The following WDR36 variants were observed in gnomAD, a reference collection of about 807,000 sequenced individuals.
The protein encoded by WDR36 is WD repeat domain 36, also known as WD repeat-containing protein 36.
A neutral mutation model predicts 112.7 loss-of-function variants in WDR36; 63 were observed. The observed-to-expected ratio is 0.56, with a 90% CI of 0.46 to 0.69. The LOEUF is 0.69. Ranked by LOEUF, WDR36 falls within the 30% of genes least tolerant of loss-of-function variation. The probability of loss-of-function intolerance (pLI) is 0.00; values close to 1 mark genes in which losing one functional copy is unlikely to be tolerated. For missense variants in WDR36, 1,226 were observed against 1,070.3 expected, an observed-to-expected ratio of 1.15 and a Z score of -2.03; for synonymous variants, 410 against 362.2, an observed-to-expected ratio of 1.13 and a Z score of -1.50.
rs750239705 is a variant in WDR36, at chr5:111,107,347, C to G, written c.1234C>G (p.Leu412Val). The G allele has an allele frequency of 3.7e-6, 6 of 1,610,562 alleles. No homozygotes were observed. The highest frequency in any genetic ancestry group is 5.1e-6 in the Non-Finnish European group (6 of 1,177,746). ...DGIIACHQGK[L>V]SCSTWNYQKS... ...TATCATTGCTTGCCATCAAGGTAAG[C>G]TATCTTGCTCAACCTGGAATTATCA... Residue 412 changes from leucine (L) to valine (V), a missense_variant, in exon 12 of 23, where the codon CTA (leucine) becomes GTA (valine). Transcript: ENST00000513710.
rs771309828 is a variant in WDR36, at chr5:111,105,364, G to A, written c.1093+4G>A. On this transcript the variant is annotated splice_donor_region_variant and intron_variant, in intron 10 of 22. Transcript: ENST00000513710. ...TTCAATAAGAGCTTGGGACATGGTA[G>A]GTCCTCTACAAGACAAAATAAGCTG... 5 of 1,608,574 alleles carry A rather than the reference G, an allele frequency of 3.1e-6. No individual in the cohort carries two copies. The highest frequency in any genetic ancestry group is 4.3e-6 in the Non-Finnish European group (5 of 1,176,204).
At chr5:111,096,293 C>T (rs954959301) in intron 2 of WDR36, among the ~76,000 whole-genome samples, 2 of 152,136 alleles carry the variant, frequency 1.3e-5, no homozygotes, top group Non-Finnish European at 2.9e-5. Context: ...TAGGAATAGG[C>T]ATATAGAATA....
In WDR36 at chr5:111,098,854, A is replaced by G. The variant is rs200841659; in HGVS notation, c.409+15A>G. 1 of 1,493,498 alleles carries G rather than the reference A, an allele frequency of 6.7e-7. No homozygotes were observed. The highest frequency in any genetic ancestry group is 1.7e-5 in the Admixed American group (1 of 59,784). 92.5% of individuals were successfully genotyped at this position (1,493,498 alleles called of 1,614,324 possible). A position where few individuals can be genotyped will look rare whatever the true frequency, so the allele number is the denominator to read the frequency against. On this transcript the variant is annotated intron_variant, in intron 4 of 22. Transcript: ENST00000513710. ...ATATTCAGAAGGTAAGAGTTAACTC[A>G]TTTATTTGCTTTATCTTAGGGTAGT...
At position 111,126,746 on chromosome 5, in the gene WDR36, A is replaced by G; in HGVS notation, c.2551A>G (p.Met851Val). 3 of 1,613,776 alleles carry G rather than the reference A, an allele frequency of 1.9e-6. No individual in the cohort carries two copies. The highest frequency in any genetic ancestry group is 2.5e-6 in the Non-Finnish European group (3 of 1,179,808). ...LALFLKLHLKMLPSEPVLLEE... is the reference protein window; with the variant it reads ...LALFLKLHLKVLPSEPVLLEE... ...TTTTTCTTTGCAGTTACACCTTAAA[A>G]TGCTTCCTTCAGAGCCAGTACTCCT... Residue 851 changes from methionine (M) to valine (V), a missense_variant, in exon 23 of 23, where the codon ATG becomes GTG. Met to Val is a conservative substitution (Grantham distance 21). Transcript: ENST00000513710.
rs761748052 is a variant in WDR36 at position 111,097,157 on chromosome 5, C to G, written c.269C>G (p.Ser90Cys). 1.1e-5 allele frequency: 18 copies of G among 1,613,404 alleles called. No homozygotes were observed. Among genetic ancestry groups the G allele is most frequent in the Non-Finnish European group, 1.5e-5 (18 of 1,179,640 alleles). Residue 90 changes from serine (S) to cysteine (C), a missense_variant, in exon 3 of 23, where the codon TCT becomes TGT. Ser to Cys is a moderately radical substitution (Grantham distance 112). Coordinates refer to ENST00000513710, the MANE Select transcript of WDR36 (RefSeq NM_139281.3). ...TTTGCTGCTTATGGAAATGTTTTCT[C>G]TGCATTTGCCCGTAATAAAGAGGTT... The part of the protein sequence containing the change: ...LVFAAYGNVF[S>C]AFARNKEIVH...
intron 2 of WDR36, among the ~76,000 whole-genome samples, chr5:111,096,475 G>T (rs1005169573): frequency 6.6e-6 from 1 of 152,114 alleles, no homozygotes; most frequent in African/African-American, 2.4e-5. Flanking sequence ...AGGCCGAGGT[G>T]GGCAGATCAC....
At chr5:111,107,162 A>C (rs1753236691) in intron 11 of WDR36, 132 bp from the exon 12 acceptor site, 4 of 1,005,588 alleles carry the variant, frequency 4.0e-6, no homozygotes, top group Non-Finnish European at 5.9e-6. Flanking sequence ...GATTGGAAAC[A>C]TATTGCTATC....
At chr5:111,125,325 G>A (rs1186164342) in intron 21 of WDR36, among the ~76,000 whole-genome samples, 1 of 152,002 alleles carries the variant, frequency 6.6e-6, no homozygotes, top group East Asian at 1.9e-4. Context: ...AAATTCTAAC[G>A]TGCCTGTTGC....
chr5:111,098,650 T>G lies in WDR36; in HGVS notation c.292-72T>G, dbSNP rs116483743. ...AAGCATCTCAGGATTAGCATGTTTT[T>G]GGGATAATATGAATAATATGACATG... On this transcript the variant is annotated intron_variant, in intron 3 of 22. Transcript: ENST00000513710. 1,323 of 1,011,370 alleles carry G rather than the reference T, an allele frequency of 1.3e-3. 10 individuals carry two copies. In the African/African-American group the frequency reaches 0.018, roughly 14 times the overall value. The allele number at this position is 1,011,370 out of a possible 1,614,324, so 62.6% of individuals were successfully genotyped here.
chr5:111,102,340 T>G lies in WDR36; in HGVS notation c.543-5T>G. 1 of 1,605,370 alleles carries G rather than the reference T, an allele frequency of 6.2e-7. No individual in the cohort carries two copies. The highest frequency in any genetic ancestry group is 2.2e-5 in the East Asian group (1 of 44,674). On this transcript the variant is annotated splice_region_variant and splice_polypyrimidine_tract_variant and intron_variant, in intron 5 of 22. Coordinates refer to ENST00000513710, the MANE Select transcript of WDR36 (RefSeq NM_139281.3). ...TACAGCTTTCAACTATTTTTCTTCTTGTAGTAAACTTCTATATACATTTCC... is the reference window on the plus strand; with the variant it reads ...TACAGCTTTCAACTATTTTTCTTCTGGTAGTAAACTTCTATATACATTTCC...
In WDR36 at chr5:111,125,623, A is replaced by G. The variant is rs1406217849; in HGVS notation, c.2366A>G (p.Asn789Ser). 6.2e-7 allele frequency: 1 copy of G among 1,613,636 alleles called. No individual in the cohort carries two copies. The highest frequency in any genetic ancestry group is 1.1e-5 in the South Asian group (1 of 91,056). Residue 789 changes from asparagine (N) to serine (S), a missense_variant, in exon 22 of 23, where the codon AAC becomes AGC. Transcript: ENST00000513710. ...LVNNKYDTALNLLKESGPSGI... is the reference protein window; with the variant it reads ...LVNNKYDTALSLLKESGPSGI... ...TTTAATGCAGATGACACTGCTCTCAACCTTCTGAAAGAATCAGGCCCATCA... is the reference window on the plus strand; with the variant it reads ...TTTAATGCAGATGACACTGCTCTCAGCCTTCTGAAAGAATCAGGCCCATCA...
intron 10 of WDR36, 151 bp downstream of exon 10, chr5:111,105,511 T>A (rs1753206483): frequency 1.3e-6 from 1 of 761,712 alleles, no homozygotes; most frequent in Non-Finnish European, 2.2e-6. Context: ...ATTCCTAGCA[T>A]CAAAGTTGCT....
At chr5:111,109,737 A>G (rs1753289557) in intron 12 of WDR36, among the ~76,000 whole-genome samples, 1 of 151,466 alleles carries the variant, frequency 6.6e-6, no homozygotes, top group South Asian at 2.1e-4. Context: ...ATATGTCATA[A>G]TTAAAATATT....
At chr5:111,102,592 ACTTATTGGAGTCCTTTGTG>A (rs1349937520) in intron 6 of WDR36, among the ~76,000 whole-genome samples, 193 bp downstream of exon 6, 10 of 151,844 alleles carry the variant, frequency 6.6e-5, no homozygotes, top group African/African-American at 1.7e-4. Flanking sequence ...TGCCAATAAC[ACTTATTGGAGTCCTTTGTG>A]CTTATAGTTT....
At chr5:111,102,468 A>G (rs1352579172) in intron 6 of WDR36, 69 bp downstream of exon 6, 5 of 1,475,642 alleles carry the variant, frequency 3.4e-6, no homozygotes, top group Non-Finnish European at 3.8e-6. Context: ...TCAGGAATCA[A>G]TCATAATTTT....
rs756540386 is a variant in WDR36, at chr5:111,092,546, G to A, written c.90G>A (p.Val30=). 36 of 1,614,212 alleles carry A rather than the reference G, an allele frequency of 2.2e-5. No homozygotes were observed. The highest frequency in any genetic ancestry group is 3.1e-5 in the Non-Finnish European group (36 of 1,180,050). Residue 30 remains valine (V), a synonymous_variant, in exon 1 of 23, where the codon GTG becomes GTA. Transcript: ENST00000513710. ...TTTTCAGCAACGACATTCCACACGT[G>A]GTGCGGTTCAGCGCGCTCAAGCGCC... ...LGLFSNDIPH[V]VRFSALKRRF...
At chr5:111,104,857 T>C (rs1392933853) in intron 9 of WDR36, 40 bp downstream of exon 9, 1 of 1,608,910 alleles carries the variant, frequency 6.2e-7, no homozygotes, top group South Asian at 1.1e-5. Flanking sequence ...TTTCAGCAAG[T>C]ATTGAGATGT....
At chr5:111,115,161 C>G (rs1443469661) in intron 16 of WDR36, among the ~76,000 whole-genome samples, 1 of 151,884 alleles carries the variant, frequency 6.6e-6, no homozygotes, top group Admixed American at 6.6e-5. Context: ...GTGACCACAT[C>G]GAATTGTTAA....
chr5:111,095,444 C>T (rs1374668570), intron 2 of WDR36, among the ~76,000 whole-genome samples: 3 of 152,140 alleles, frequency 2.0e-5, no homozygotes, highest in Non-Finnish European at 4.4e-5. Context: ...ATGTAAATAT[C>T]TTAGTACTCT....
Sources: gnomAD v4.1 joint callset for allele counts (sites outside exome capture counted in the v4.1 genomes callset) on GRCh38, gnomAD v4.1.1 for gene constraint, MANE v1.5 for transcripts, NCBI Gene and HGNC (gene_info 2026-07-23, HGNC 2026-07-21) for gene names.